Variants in DLEC1 observed in about 807,000 individuals in gnomAD.
The protein encoded by DLEC1 is DLEC1 cilia and flagella associated protein, also known as deleted in lung and esophageal cancer protein 1.
In DLEC1, 146 loss-of-function variants were observed where a neutral mutation model predicts 198.1. The ratio of observed to expected loss-of-function variants is 0.74; its 90% CI spans 0.64 to 0.85. The LOEUF (loss-of-function observed/expected upper bound fraction) is 0.85, where lower values mean the gene tolerates loss of function less well. Among genes scored for constraint, DLEC1 ranks in the 40% least tolerant of loss-of-function variants. The pLI is 0.00. For synonymous variants in DLEC1, 897 were observed against 866.8 expected (o/e 1.03, Z -0.61); for missense variants, 2,233 against 2,220.0 (o/e 1.01, Z -0.12).
chr3:38,080,803 T>C (rs1163868500), intron 6 of DLEC1, among the ~76,000 whole-genome samples: 2 of 29,554 alleles, frequency 6.8e-5, no homozygotes. Flanking sequence ...TCGGGTGTTC[T>C]TTTTTTTTTT....
At position 38,045,689 on chromosome 3, in the gene DLEC1, T is replaced by C. The variant is rs1322509251; in HGVS notation, c.558T>C (p.Pro186=). Residue 186 remains proline (P), a synonymous_variant, in exon 2 of 37, where the codon CCT becomes CCC. Transcript: ENST00000308059. The part of the protein sequence containing the change: ...VQDLESLVRL[P]PVKSVSRWCI... ...ACCTCGAGAGCCTTGTCAGGTTGCC[T>C]CCAGGTGTGTATAAAGAACTCCCAC... The C allele has an allele frequency of 6.2e-7, 1 of 1,610,516 alleles. No homozygotes were observed. The highest frequency in any genetic ancestry group is 8.5e-7 in the Non-Finnish European group (1 of 1,178,754).
chr3:38,048,548 A>AT (rs1700977834), intron 2 of DLEC1, among the ~76,000 whole-genome samples: 1 of 152,232 alleles, frequency 6.6e-6, no homozygotes, highest in Admixed American at 6.5e-5. Context: ...CCTGTAAGGT[A>AT]GGTTTTCTTT....
chr3:38,107,773 G>A, intron 20 of DLEC1, 36 bp downstream of exon 20: 2 of 1,604,744 alleles, frequency 1.2e-6, no homozygotes, highest in Non-Finnish European at 1.7e-6. Flanking sequence ...GCAGTCTGCA[G>A]CCCTCAGCCA....
chr3:38,086,220 C>T (rs971498636), intron 8 of DLEC1, 21 bp from the exon 9 acceptor site: 3 of 1,595,440 alleles, frequency 1.9e-6, no homozygotes, highest in Non-Finnish European at 2.6e-6. Flanking sequence ...TTCTCTTGCA[C>T]ATGTTCTCCT....
intron 19 of DLEC1, 70 bp from the exon 20 acceptor site, chr3:38,107,514 C>T: frequency 7.1e-7 from 1 of 1,418,020 alleles, no homozygotes. Context: ...GACTGCATGT[C>T]ATCTAGAAAT....
At chr3:38,121,557 G>C (rs1304302658) in intron 34 of DLEC1, 71 bp from the exon 35 acceptor site, 5 of 1,546,988 alleles carry the variant, frequency 3.2e-6, no homozygotes, top group Admixed American at 1.9e-5. Flanking sequence ...GGGTCAGCAG[G>C]GTTCTGTGTG....
At chr3:38,056,522 C>G (rs976796002) in intron 2 of DLEC1, among the ~76,000 whole-genome samples, 1 of 152,120 alleles carries the variant, frequency 6.6e-6, no homozygotes, top group Non-Finnish European at 1.5e-5. Flanking sequence ...GTTGGCCAGG[C>G]TGGTCTTGAA....
chr3:38,108,514 A>T lies in DLEC1; in HGVS notation c.3128A>T (p.Gln1043Leu), dbSNP rs1348612164. 1 of 1,613,290 alleles carries T rather than the reference A, an allele frequency of 6.2e-7. No homozygotes were observed. The highest frequency in any genetic ancestry group is 2.2e-5 in the East Asian group (1 of 44,876). Residue 1043 changes from glutamine to leucine, a missense_variant and splice_region_variant, in exon 21 of 37, where the codon CAG becomes CTG. Transcript: ENST00000308059. ...AAGTTGGAGTTGACTGCTCATACCCAGGTGAGTAAGGCAATGTAGGGCCTG... is the reference window on the plus strand; with the variant it reads ...AAGTTGGAGTTGACTGCTCATACCCTGGTGAGTAAGGCAATGTAGGGCCTG... ...QLKLELTAHT[Q>L]EELTHLALPC... is the part of the protein sequence containing the mutation.
At chr3:38,069,359 G>T (rs1489254194) in intron 6 of DLEC1, among the ~76,000 whole-genome samples, 1 of 152,018 alleles carries the variant, frequency 6.6e-6, no homozygotes, top group African/African-American at 2.4e-5. Flanking sequence ...AGAAAAAGAG[G>T]GAATGTACCA....
At chr3:38,066,611 T>C (rs1396943884) in intron 6 of DLEC1, among the ~76,000 whole-genome samples, 2 of 152,252 alleles carry the variant, frequency 1.3e-5, no homozygotes, top group Non-Finnish European at 2.9e-5. Context: ...TCCCACCTTC[T>C]TGGGGAATCA....
intron 2 of DLEC1, among the ~76,000 whole-genome samples, chr3:38,056,095 AC>A (rs1559400105): frequency 0.021 from 3,107 of 150,936 alleles, 127 homozygotes; most frequent in African/African-American, 0.072. Flanking sequence ...ACACACACAC[AC>A]ACACACACAC....
At chr3:38,082,016 G>A (rs1415592254) in intron 6 of DLEC1, among the ~76,000 whole-genome samples, 9 of 127,288 alleles carry the variant, frequency 7.1e-5, no homozygotes, top group Middle Eastern at 4.9e-3. Flanking sequence ...GCTGCCGGGC[G>A]GAGGGGCTCC....
At chr3:38,084,716 C>T (rs1299420671) in intron 7 of DLEC1, among the ~76,000 whole-genome samples, 1 of 151,720 alleles carries the variant, frequency 6.6e-6, no homozygotes, top group East Asian at 1.9e-4. Context: ...CTGGACTCCC[C>T]CCATCAGCAG....
At chr3:38,047,474 T>G (rs1054612857) in intron 2 of DLEC1, among the ~76,000 whole-genome samples, 7 of 152,184 alleles carry the variant, frequency 4.6e-5, no homozygotes, top group African/African-American at 9.7e-5. Flanking sequence ...AGCTGAAAAT[T>G]TGTATATCAG....
Position 38,085,427 on chromosome 3 carries a change from G to C in DLEC1, c.1415G>C (p.Arg472Thr), listed in dbSNP as rs1237255639. The C allele has an allele frequency of 1.9e-6, 3 of 1,613,940 alleles. No individual in the cohort carries two copies. Among genetic ancestry groups the C allele is most frequent in the Non-Finnish European group, 8.5e-7 (1 of 1,179,990 alleles). ...CTTCTGATCCCCCTGCAGGCCCGGAGGCCGCCCCCCGTGCTGACATGTGAG... is the reference window on the plus strand; with the variant it reads ...CTTCTGATCCCCCTGCAGGCCCGGACGCCGCCCCCCGTGCTGACATGTGAG... ...HTLLIPLQAR[R>T]PPPVLTLSPV... Residue 472 changes from arginine to threonine, a missense_variant, in exon 8 of 37, where the codon AGG becomes ACG. Physicochemically the swap from Arg to Thr is moderately conservative, Grantham distance 71. Coordinates refer to ENST00000308059, the MANE Select transcript of DLEC1 (RefSeq NM_007335.4).
At chr3:38,102,997 A>G (rs1699382105) in intron 19 of DLEC1, 1 of 152,104 alleles carries the variant, frequency 6.6e-6, no homozygotes, top group Non-Finnish European at 1.5e-5. Flanking sequence ...AATTTTTATT[A>G]TTTGTACAAA....
intron 31 of DLEC1, 104 bp from the exon 32 acceptor site, chr3:38,117,423 G>T (rs762809263): frequency 5.0e-6 from 8 of 1,600,076 alleles, no homozygotes; most frequent in South Asian, 1.1e-5. Context: ...GAAGTCAGCA[G>T]AGGAGCCCAG....
At chr3:38,085,501 T>C in intron 8 of DLEC1, 54 bp downstream of exon 8, 1 of 1,594,106 alleles carries the variant, frequency 6.3e-7, no homozygotes. Flanking sequence ...AGAGTCCCCA[T>C]AAGGACTGCC....
intron 2 of DLEC1, among the ~76,000 whole-genome samples, chr3:38,046,685 C>T (rs1420979003): frequency 1.3e-5 from 2 of 152,276 alleles, no homozygotes; most frequent in South Asian, 2.1e-4. Flanking sequence ...TTCCCCAGCA[C>T]CATTTGTCAG....
Sources: allele counts gnomAD v4.1 joint callset (sites outside exome capture counted in the v4.1 genomes callset), GRCh38; gene constraint gnomAD v4.1.1; transcripts MANE v1.5; gene names NCBI Gene and HGNC (gene_info 2026-07-23, HGNC 2026-07-21).